The following SLC24A3 variants were observed in gnomAD, a reference collection of about 807,000 sequenced individuals.
The protein encoded by SLC24A3 is solute carrier family 24 member 3.
In SLC24A3, 28 loss-of-function variants were observed where a neutral mutation model predicts 75.8. The ratio of observed to expected loss-of-function variants is 0.37; its 90% CI spans 0.27 to 0.51. The LOEUF is 0.51. Ranked by LOEUF, SLC24A3 falls within the 20% of genes least tolerant of loss-of-function variation. The probability of loss-of-function intolerance (pLI) is 0.94; values close to 1 mark genes in which losing one functional copy is unlikely to be tolerated. For missense variants in SLC24A3, 663 were observed against 847.8 expected (o/e 0.78, Z 2.71); for synonymous variants, 372 against 334.1 (o/e 1.11, Z -1.24).
chr20:19,701,376 A>C (rs891687682), intron 15 of SLC24A3, among the ~76,000 whole-genome samples: 2 of 152,090 alleles, frequency 1.3e-5, no homozygotes, highest in African/African-American at 4.8e-5. Context: ...ACATTAATTC[A>C]GCATTTATTT....
At chr20:19,228,270 C>A (rs1981922162) in intron 1 of SLC24A3, among the ~76,000 whole-genome samples, 1 of 151,942 alleles carries the variant, frequency 6.6e-6, no homozygotes, top group African/African-American at 2.4e-5. Flanking sequence ...GGTATGGATC[C>A]CCTTGGCTAT....
chr20:19,335,076 G>A (rs1247516042), intron 2 of SLC24A3, among the ~76,000 whole-genome samples: 1 of 151,936 alleles, frequency 6.6e-6, no homozygotes, highest in African/African-American at 2.4e-5. Flanking sequence ...AAATAGGACT[G>A]GAATATGACT....
chr20:19,459,690 A>G (rs1477321169), intron 2 of SLC24A3, among the ~76,000 whole-genome samples: 1 of 152,288 alleles, frequency 6.6e-6, no homozygotes, highest in African/African-American at 2.4e-5. Flanking sequence ...TTCTTTTAAT[A>G]TAATCAGTGT....
Position 19,461,520 on chromosome 20 carries a change from C to A in SLC24A3, c.272-53968C>A, listed in dbSNP as rs6046107. Among the ~76,000 whole-genome samples, 5 of 129,378 alleles carry A rather than the reference C, an allele frequency of 3.9e-5. No homozygotes were observed. The East Asian group carries it at 1.1e-3, about 29-fold the overall frequency. 84.9% of individuals were successfully genotyped at this position (129,378 alleles called of 152,430 possible). On this transcript the variant is annotated intron_variant, in intron 2 of 16. Coordinates refer to ENST00000328041, the MANE Select transcript of SLC24A3 (RefSeq NM_020689.4). ...ATACTTGTCTACGTCCTTTTCTTTT[C>A]TTTTTTTTCTTTTTTTTTTTTTTTT...
chr20:19,363,744 T>TATTGTATTTGTA (rs1399876832), intron 2 of SLC24A3, among the ~76,000 whole-genome samples: 1 of 152,232 alleles, frequency 6.6e-6, no homozygotes, highest in African/African-American at 2.4e-5. Flanking sequence ...CAATCGCTTA[T>TATTGTATTTGTA]TTTGTATTGG....
intron 2 of SLC24A3, among the ~76,000 whole-genome samples, chr20:19,300,472 G>T (rs1984168553): frequency 6.6e-6 from 1 of 152,174 alleles, no homozygotes; most frequent in Non-Finnish European, 1.5e-5. Context: ...TTCTGAGTGA[G>T]AACTACCTAA....
intron 2 of SLC24A3, among the ~76,000 whole-genome samples, chr20:19,339,923 T>C (rs1985229802): frequency 6.6e-6 from 1 of 152,192 alleles, no homozygotes; most frequent in Non-Finnish European, 1.5e-5. Flanking sequence ...TCTGGCAGTT[T>C]ATGAAACGAG....
intron 2 of SLC24A3, among the ~76,000 whole-genome samples, chr20:19,446,835 T>C (rs1987395148): frequency 6.6e-6 from 1 of 152,252 alleles, no homozygotes; most frequent in African/African-American, 2.4e-5. Context: ...CCAAAAGGCT[T>C]TCGCGTGCAC....
chr20:19,217,389 G>T (rs187691036), intron 1 of SLC24A3, among the ~76,000 whole-genome samples: 37 of 152,176 alleles, frequency 2.4e-4, no homozygotes, highest in Non-Finnish European at 4.9e-4. Context: ...ATTTCCCAAG[G>T]TGGCTAAGGT....
intron 2 of SLC24A3, among the ~76,000 whole-genome samples, chr20:19,315,291 T>C (rs1984560242): frequency 6.6e-6 from 1 of 152,204 alleles, no homozygotes; most frequent in Admixed American, 6.5e-5. Context: ...GGCAGCAGCC[T>C]GGCAGTGGCC....
chr20:19,456,894 C>T (rs1319319578), intron 2 of SLC24A3, among the ~76,000 whole-genome samples: 5 of 152,186 alleles, frequency 3.3e-5, no homozygotes, highest in South Asian at 4.1e-4. Context: ...GTACAGTGTA[C>T]AGTGTGTTCA....
chr20:19,390,484 T>C (rs1986347637), intron 2 of SLC24A3, among the ~76,000 whole-genome samples: 1 of 152,122 alleles, frequency 6.6e-6, no homozygotes, highest in Admixed American at 6.5e-5. Context: ...GCTTGGAGGC[T>C]AGGTCCATGT....
At chr20:19,228,896 G>T (rs923981293) in intron 1 of SLC24A3, among the ~76,000 whole-genome samples, 11 of 152,062 alleles carry the variant, frequency 7.2e-5, no homozygotes, top group African/African-American at 2.7e-4. Flanking sequence ...AGGTTTTGGT[G>T]TCAGGATCAC....
At chr20:19,545,852 A>C (rs556523999) in intron 3 of SLC24A3, among the ~76,000 whole-genome samples, 227 of 152,208 alleles carry the variant, frequency 1.5e-3, no homozygotes, top group South Asian at 4.4e-3. Context: ...ATTCCTTATA[A>C]TAACCCATAA....
intron 2 of SLC24A3, among the ~76,000 whole-genome samples, chr20:19,391,636 G>A (rs1429908185): frequency 6.6e-6 from 1 of 152,104 alleles, no homozygotes; most frequent in East Asian, 1.9e-4. Flanking sequence ...GAATTTGGAG[G>A]CACTCTCAAG....
chr20:19,387,572 T>C (rs1986292822), intron 2 of SLC24A3, among the ~76,000 whole-genome samples: 1 of 152,236 alleles, frequency 6.6e-6, no homozygotes, highest in Non-Finnish European at 1.5e-5. Flanking sequence ...TGATTTCTTC[T>C]TTGAGCAATT....
intron 6 of SLC24A3, among the ~76,000 whole-genome samples, chr20:19,640,381 A>G (rs1232751727): frequency 1.3e-5 from 2 of 152,208 alleles, no homozygotes; most frequent in African/African-American, 4.8e-5. Flanking sequence ...TGAGGCAAGG[A>G]GGGGCCAGAG....
chr20:19,518,102 C>T (rs573277621), intron 3 of SLC24A3, among the ~76,000 whole-genome samples: 1 of 152,312 alleles, frequency 6.6e-6, no homozygotes, highest in African/African-American at 2.4e-5. Flanking sequence ...CCATGTTGTA[C>T]AGCACATTTA....
At chr20:19,430,424 A>C (rs1193187463) in intron 2 of SLC24A3, among the ~76,000 whole-genome samples, 1 of 152,120 alleles carries the variant, frequency 6.6e-6, no homozygotes, top group African/African-American at 2.4e-5. Context: ...TGGGTGAGGA[A>C]GAGAAAAAAT....
Sources: allele counts gnomAD v4.1 joint callset (sites outside exome capture counted in the v4.1 genomes callset), GRCh38; gene constraint gnomAD v4.1.1; transcripts MANE v1.5; gene names NCBI Gene and HGNC (gene_info 2026-07-23, HGNC 2026-07-21).